SNTG1: variants seen among roughly 807,000 people sequenced by gnomAD.
SNTG1 encodes gamma-1-syntrophin.
Under a neutral mutation model 74.7 loss-of-function variants are expected in SNTG1, and 39 were observed. The observed-to-expected ratio is 0.52, with a 90% CI of 0.40 to 0.68. SNTG1 has a LOEUF of 0.68. Ranked by LOEUF, SNTG1 falls within the 30% of genes least tolerant of loss-of-function variation. The pLI, the probability that SNTG1 is intolerant of heterozygous loss-of-function variation, is 0.00. For synonymous variants in SNTG1, 254 were observed against 217.1 expected (o/e 1.17, Z -1.49); for missense variants, 685 against 609.5 (o/e 1.12, Z -1.30).
chr8:50,595,526 A>G (rs2094721511), intron 13 of SNTG1, among the ~76,000 whole-genome samples: 1 of 152,088 alleles, frequency 6.6e-6, no homozygotes, highest in African/African-American at 2.4e-5. Context: ...TATTCAAATA[A>G]TAGAAAGTTG....
intron 12 of SNTG1, among the ~76,000 whole-genome samples, chr8:50,583,588 G>T (rs187537102): frequency 4.7e-4 from 72 of 152,018 alleles, no homozygotes; most frequent in African/African-American, 1.7e-3. Context: ...CCCAATGGAA[G>T]GAAATAGGTC....
intron 2 of SNTG1, among the ~76,000 whole-genome samples, chr8:50,240,314 C>T (rs969379166): frequency 6.6e-6 from 1 of 152,190 alleles, no homozygotes; most frequent in Non-Finnish European, 1.5e-5. Flanking sequence ...TTTTTAATTT[C>T]AGCAGAAGGT....
chr8:50,176,840 G>A (rs1190238829), intron 2 of SNTG1, among the ~76,000 whole-genome samples: 2 of 152,112 alleles, frequency 1.3e-5, no homozygotes, highest in South Asian at 2.1e-4. Context: ...TTTATTGTTC[G>A]TATTGTCTAC....
chr8:50,015,965 T>TTGTTGTGGAGAAGAATTGGGCCCTTTC (rs1816272395), intron 1 of SNTG1, among the ~76,000 whole-genome samples: 1 of 152,064 alleles, frequency 6.6e-6, no homozygotes, highest in Admixed American at 6.6e-5. Context: ...CAGTTGGGTG[T>TTGTTGTGGAGAAGAATTGGGCCCTTTC]TGTTGTGGAG....
At chr8:50,044,269 C>T (rs781365297) in intron 1 of SNTG1, among the ~76,000 whole-genome samples, 31 of 152,094 alleles carry the variant, frequency 2.0e-4, no homozygotes, top group Non-Finnish European at 4.1e-4. Flanking sequence ...CATTTTTTAA[C>T]CAAGAATTAT....
intron 15 of SNTG1, among the ~76,000 whole-genome samples, chr8:50,701,201 C>T (rs16915257): frequency 0.21 from 31,318 of 152,032 alleles, 3,328 homozygotes; most frequent in South Asian, 0.31. Context: ...GAAACTGCAA[C>T]GTTTAGTTAT....
rs192979750 is a variant in SNTG1, at chr8:49,928,054, G to A, written c.-103+15823G>A. On this transcript the variant is annotated intron_variant, in intron 1 of 18. Transcript: ENST00000642720. Reference sequence around the variant, plus strand: ...TGAGGCAGGAGAATCGCTTGAATCCGGGAGGCGGAGGTTGTAGTGAGCCGA... The same window carrying A: ...TGAGGCAGGAGAATCGCTTGAATCCAGGAGGCGGAGGTTGTAGTGAGCCGA... Among the ~76,000 whole-genome samples, 773 of 149,880 alleles carry A rather than the reference G, an allele frequency of 5.2e-3. 9 individuals are homozygous for A. Among genetic ancestry groups the A allele is most frequent in the African/African-American group, 0.017 (697 of 40,750 alleles).
intron 2 of SNTG1, among the ~76,000 whole-genome samples, chr8:50,267,808 TAGAG>T (rs2087561197): frequency 1.3e-5 from 2 of 152,266 alleles, no homozygotes; most frequent in East Asian, 1.9e-4. Flanking sequence ...ACTAACTCAA[TAGAG>T]AGAATCTACA....
chr8:50,069,883 C>T (rs947105154), intron 1 of SNTG1, among the ~76,000 whole-genome samples: 1 of 151,986 alleles, frequency 6.6e-6, no homozygotes, highest in Non-Finnish European at 1.5e-5. Flanking sequence ...CAGGTCTGTG[C>T]TAAGGCCATC....
At chr8:49,935,863 A>G (rs1808035842) in intron 1 of SNTG1, among the ~76,000 whole-genome samples, 1 of 152,146 alleles carries the variant, frequency 6.6e-6, no homozygotes, top group East Asian at 1.9e-4. Context: ...TTCTCCCTTC[A>G]TCTTCCCTAT....
chr8:49,962,366 A>G (rs944362662), intron 1 of SNTG1, among the ~76,000 whole-genome samples: 4 of 151,702 alleles, frequency 2.6e-5, no homozygotes, highest in Non-Finnish European at 4.4e-5. Context: ...TTCAAATGGC[A>G]CAATGTGTTA....
intron 2 of SNTG1, among the ~76,000 whole-genome samples, chr8:50,295,315 C>T (rs2089310575): frequency 1.3e-5 from 2 of 152,236 alleles, no homozygotes; most frequent in South Asian, 2.1e-4. Context: ...CTTTTGGTTG[C>T]CAAACTCCAT....
chr8:50,513,470 G>A (rs1285313171), intron 9 of SNTG1, among the ~76,000 whole-genome samples: 1 of 152,252 alleles, frequency 6.6e-6, no homozygotes, highest in African/African-American at 2.4e-5. Context: ...TAAGTCTGCA[G>A]AGGATTCTGC....
chr8:50,108,086 G>A (rs796188992), intron 1 of SNTG1, among the ~76,000 whole-genome samples: 3 of 152,222 alleles, frequency 2.0e-5, no homozygotes, highest in African/African-American at 7.2e-5. Context: ...TCCAAGTTTT[G>A]ATGAGGTAGC....
intron 2 of SNTG1, among the ~76,000 whole-genome samples, chr8:50,347,395 A>G (rs962266810): frequency 6.6e-6 from 1 of 152,216 alleles, no homozygotes; most frequent in Non-Finnish European, 1.5e-5. Context: ...AAAACAAAAC[A>G]AAACATTACT....
At chr8:50,280,849 T>C (rs1345004413) in intron 2 of SNTG1, among the ~76,000 whole-genome samples, 1 of 151,778 alleles carries the variant, frequency 6.6e-6, no homozygotes, top group Non-Finnish European at 1.5e-5. Flanking sequence ...TGCTAATCCA[T>C]TCAGGATAAG....
At chr8:50,529,409 C>T (rs1455013967) in intron 9 of SNTG1, among the ~76,000 whole-genome samples, 1 of 151,768 alleles carries the variant, frequency 6.6e-6, no homozygotes, top group Non-Finnish European at 1.5e-5. Context: ...TTCCCTATGA[C>T]CTATGATGTT....
chr8:50,560,766 G>A (rs933570409), intron 12 of SNTG1, among the ~76,000 whole-genome samples: 1 of 152,046 alleles, frequency 6.6e-6, no homozygotes, highest in African/African-American at 2.4e-5. Flanking sequence ...TGGGTGTGGG[G>A]CTCAATACCT....
intron 1 of SNTG1, among the ~76,000 whole-genome samples, chr8:49,980,619 C>A (rs1179604763): frequency 1.3e-5 from 2 of 150,640 alleles, no homozygotes; most frequent in African/African-American, 2.4e-5. Flanking sequence ...CGACTCCACT[C>A]GCAAGAACAG....
Sources: allele counts gnomAD v4.1 joint callset (sites outside exome capture counted in the v4.1 genomes callset), GRCh38; gene constraint gnomAD v4.1.1; transcripts MANE v1.5; gene names NCBI Gene and HGNC (gene_info 2026-07-23, HGNC 2026-07-21).